The following STK33 variants were observed in gnomAD, a reference collection of about 807,000 sequenced individuals.
STK33 encodes the protein serine/threonine kinase 33, also known as serine/threonine-protein kinase 33.
A neutral mutation model predicts 58.0 loss-of-function variants in STK33; 52 were observed. The ratio of observed to expected loss-of-function variants is 0.90; its 90% CI spans 0.72 to 1.13. STK33 has a LOEUF of 1.13. Ranked by LOEUF, STK33 falls within the 50% of genes most tolerant of loss-of-function variation. The pLI is 0.00. For missense variants in STK33, 630 were observed against 604.2 expected (o/e 1.04, Z -0.45); for synonymous variants, 215 against 200.1 (o/e 1.07, Z -0.63).
At chr11:8,541,372 A>G (rs1190851483) in intron 1 of STK33, among the ~76,000 whole-genome samples, 7 of 152,184 alleles carry the variant, frequency 4.6e-5, no homozygotes, top group Non-Finnish European at 8.8e-5. Context: ...TTGAAGCAAG[A>G]TAACTCAGTA....
intron 15 of STK33, among the ~76,000 whole-genome samples, chr11:8,404,013 A>C (rs1280054072): frequency 6.6e-6 from 1 of 152,246 alleles, no homozygotes; most frequent in East Asian, 1.9e-4. Context: ...CACACATTCA[A>C]ATTATAGGCC....
chr11:8,448,604 C>A (rs1443297089), intron 11 of STK33, among the ~76,000 whole-genome samples: 1 of 152,130 alleles, frequency 6.6e-6, no homozygotes, highest in East Asian at 1.9e-4. Context: ...AACTGGATCC[C>A]TTCCTTACAC....
Position 8,474,992 on chromosome 11 carries a change from T to G in STK33, c.-87A>C. 1.6e-6 allele frequency: 2 copies of G among 1,283,206 alleles called. No homozygotes were observed. The highest frequency in any genetic ancestry group is 2.1e-6 in the Non-Finnish European group (2 of 938,040). The allele number at this position is 1,283,206 out of a possible 1,614,324, so 79.5% of individuals were successfully genotyped here. Reference sequence around the variant, plus strand: ...AGGCCAAAAAGGATAAGGTAGTTGATGGTGAAAACTGTAATTTCGAACTGG... The same window carrying G: ...AGGCCAAAAAGGATAAGGTAGTTGAGGGTGAAAACTGTAATTTCGAACTGG... On this transcript the variant is annotated 5_prime_UTR_variant, in exon 5 of 16. Coordinates refer to ENST00000687296, the MANE Select transcript of STK33 (RefSeq NM_001352389.2).
the STK33 span, among the ~76,000 whole-genome samples, chr11:8,375,998 T>A: frequency 5.3e-5 from 8 of 152,254 alleles, no homozygotes; most frequent in East Asian, 1.2e-3. Flanking sequence ...TACAGGCTAA[T>A]CTCCAGGCAC....
At chr11:8,526,845 G>T (rs965783631) in intron 1 of STK33, among the ~76,000 whole-genome samples, 4 of 123,638 alleles carry the variant, frequency 3.2e-5, no homozygotes, top group African/African-American at 9.0e-5. Context: ...AAAAAACCCA[G>T]ACAAAAATAT....
chr11:8,359,447 T>C, the STK33 span, among the ~76,000 whole-genome samples: 1 of 152,208 alleles, frequency 6.6e-6, no homozygotes, highest in African/African-American at 2.4e-5. Context: ...TCAAAGTAAA[T>C]TTTAAAACGG....
intron 1 of STK33, among the ~76,000 whole-genome samples, chr11:8,525,244 A>AT (rs1201660280): frequency 2.0e-5 from 3 of 152,336 alleles, no homozygotes; most frequent in African/African-American, 7.2e-5. Flanking sequence ...GTATATGCAT[A>AT]TGTGTTGAAC....
At chr11:8,418,959 A>G (rs1433747795) in intron 14 of STK33, among the ~76,000 whole-genome samples, 2 of 151,154 alleles carry the variant, frequency 1.3e-5, no homozygotes, top group Non-Finnish European at 2.9e-5. Context: ...TTTTCTCGTG[A>G]ATTTAATTTC....
In STK33 at chr11:8,486,487, C is replaced by T. The variant is rs140216745; in HGVS notation, c.-465-5873G>A. Among the ~76,000 whole-genome samples, 1,229 of 152,310 alleles carry T rather than the reference C, an allele frequency of 8.1e-3. 9 individuals carry two copies. The highest frequency in any genetic ancestry group is 0.048 in the Middle Eastern group (14 of 294). On this transcript the variant is annotated intron_variant, in intron 1 of 15. Coordinates refer to ENST00000687296, the MANE Select transcript of STK33 (RefSeq NM_001352389.2). ...AATCTTAGCTTAGACATCATCTCCC[C>T]TGAAATTCTCTTAAAATCTTGAGTC...
At chr11:8,338,957 G>C in the STK33 span, among the ~76,000 whole-genome samples, 2 of 152,182 alleles carry the variant, frequency 1.3e-5, no homozygotes, top group Non-Finnish European at 2.9e-5. Flanking sequence ...GAATGAACCT[G>C]CAAGTGTGCA....
intron 8 of STK33, among the ~76,000 whole-genome samples, chr11:8,460,924 A>C (rs1393406832): frequency 6.6e-6 from 1 of 152,218 alleles, no homozygotes; most frequent in Non-Finnish European, 1.5e-5. Context: ...GGCACAACCC[A>C]AATTGACTAT....
intron 12 of STK33, among the ~76,000 whole-genome samples, chr11:8,440,280 C>A (rs1418146553): frequency 6.6e-6 from 1 of 152,018 alleles, no homozygotes; most frequent in Non-Finnish European, 1.5e-5. Context: ...CCCACTCCCA[C>A]CTATGCTCTG....
At chr11:8,354,513 CACA>C in the STK33 span, among the ~76,000 whole-genome samples, 12 of 144,132 alleles carry the variant, frequency 8.3e-5, no homozygotes, top group Admixed American at 2.1e-4. Context: ...CACACACACA[CACA>C]CCCCTCAGAC....
At chr11:8,451,684 G>A (rs1266231226) in intron 11 of STK33, among the ~76,000 whole-genome samples, 1 of 152,114 alleles carries the variant, frequency 6.6e-6, no homozygotes, top group Non-Finnish European at 1.5e-5. Flanking sequence ...GGTGATGGTT[G>A]CACAACTCTG....
chr11:8,489,857 G>T (rs372123051), intron 1 of STK33, among the ~76,000 whole-genome samples: 8 of 152,206 alleles, frequency 5.3e-5, no homozygotes, highest in African/African-American at 1.2e-4. Flanking sequence ...TTTTGAGCAG[G>T]CAGAAGAAAT....
intron 1 of STK33, among the ~76,000 whole-genome samples, chr11:8,561,981 T>C (rs939596748): frequency 5.3e-5 from 8 of 152,164 alleles, no homozygotes; most frequent in African/African-American, 1.9e-4. Flanking sequence ...GCACAGAACA[T>C]GGCTGCCAAC....
At chr11:8,566,271 G>A (rs960341928) in intron 1 of STK33, among the ~76,000 whole-genome samples, 1 of 152,114 alleles carries the variant, frequency 6.6e-6, no homozygotes, top group East Asian at 1.9e-4. Context: ...TCAACTCCTT[G>A]TTATCTCCAA....
intron 9 of STK33, 146 bp downstream of exon 9, chr11:8,457,194 TA>T: frequency 4.8e-6 from 3 of 620,760 alleles, no homozygotes; most frequent in Non-Finnish European, 6.8e-6. Flanking sequence ...AAAAGAAAGT[TA>T]AAAAGGAAAC....
chr11:8,431,713 T>G (rs895142481), intron 14 of STK33, among the ~76,000 whole-genome samples: 1 of 152,180 alleles, frequency 6.6e-6, no homozygotes, highest in African/African-American at 2.4e-5. Flanking sequence ...TTTAACAATA[T>G]TAATAATTTC....
Sources: gnomAD v4.1 joint callset for allele counts (sites outside exome capture counted in the v4.1 genomes callset) on GRCh38, gnomAD v4.1.1 for gene constraint, MANE v1.5 for transcripts, NCBI Gene and HGNC (gene_info 2026-07-23, HGNC 2026-07-21) for gene names.